DMD: variants seen among roughly 807,000 people sequenced by gnomAD.
DMD encodes the protein mutant dystrophin.
A neutral mutation model predicts 330.1 loss-of-function variants in DMD; 63 were observed. That is an observed-to-expected ratio of 0.19 (90% confidence interval 0.16 to 0.24). The LOEUF (loss-of-function observed/expected upper bound fraction) is 0.24, where lower values mean the gene tolerates loss of function less well. Ranked by LOEUF, DMD falls within the 10% of genes least tolerant of loss-of-function variation. The pLI is 1.00. For synonymous variants in DMD, 1,223 were observed against 959.8 expected, an observed-to-expected ratio of 1.27 and a Z score of -5.07; for missense variants, 3,344 against 2,684.1, an observed-to-expected ratio of 1.25 and a Z score of -5.43.
intron 77 of DMD, among the ~76,000 whole-genome samples, chrX:31,133,030 T>C (rs2034718397): frequency 8.9e-6 from 1 of 112,354 alleles, no homozygotes; most frequent in South Asian, 3.7e-4. Flanking sequence ...TTGCTTTTAA[T>C]GTGCACTGCA....
chrX:33,250,666 A>G (rs1014126673), intron 1 of DMD, among the ~76,000 whole-genome samples: 1 of 111,667 alleles, frequency 9.0e-6, no homozygotes, highest in Non-Finnish European at 1.9e-5. Flanking sequence ...CTTAACTATC[A>G]TATTTATTCA....
chrX:32,033,027 T>C (rs982283792), intron 44 of DMD, among the ~76,000 whole-genome samples: 7 of 112,327 alleles, frequency 6.2e-5, no homozygotes, highest in Non-Finnish European at 1.1e-4. Flanking sequence ...GTGGTATATA[T>C]ACACAATGGA....
At chrX:31,811,921 A>G (rs2092468981) in intron 50 of DMD, among the ~76,000 whole-genome samples, 1 of 111,621 alleles carries the variant, frequency 9.0e-6, no homozygotes, top group Admixed American at 9.6e-5. Flanking sequence ...CAAGAGAGGA[A>G]TAAGAATGCA....
chrX:32,729,487 G>C (rs1040252453), intron 7 of DMD, among the ~76,000 whole-genome samples: 6 of 111,615 alleles, frequency 5.4e-5, no homozygotes, highest in Non-Finnish European at 1.1e-4. Context: ...TTCAAACACT[G>C]ATTCATGGTA....
chrX:33,104,604 C>A (rs1217164464), intron 1 of DMD, among the ~76,000 whole-genome samples: 1 of 110,138 alleles, frequency 9.1e-6, no homozygotes, highest in African/African-American at 3.3e-5. Context: ...TCTCCCTTCG[C>A]TGACTCTCTT....
intron 30 of DMD, among the ~76,000 whole-genome samples, chrX:32,398,752 T>C (rs1305828063): frequency 1.8e-5 from 2 of 111,632 alleles, no homozygotes; most frequent in African/African-American, 3.3e-5. Context: ...TTAAAATTTA[T>C]ATGGAACTGC....
chrX:33,030,718 T>C (rs1218054714), intron 1 of DMD, among the ~76,000 whole-genome samples: 2 of 111,897 alleles, frequency 1.8e-5, no homozygotes, highest in Non-Finnish European at 3.8e-5. Flanking sequence ...GCTAACTAGA[T>C]GCCTGTTTCC....
chrX:31,178,954 G>T (rs1292500398), intron 69 of DMD, 149 bp from the exon 70 acceptor site: 9 of 687,142 alleles, frequency 1.3e-5, no homozygotes, highest in Non-Finnish European at 1.7e-5. Context: ...GACAAATGGG[G>T]CTCTGAAACC....
intron 1 of DMD, among the ~76,000 whole-genome samples, chrX:33,156,737 G>A (rs939227254): frequency 9.0e-6 from 1 of 111,503 alleles, no homozygotes; most frequent in Non-Finnish European, 1.9e-5. Flanking sequence ...ATCGAAATAC[G>A]CTATTATCTG....
At chrX:32,858,068 G>GAT (rs1332932286) in intron 2 of DMD, among the ~76,000 whole-genome samples, 1 of 110,280 alleles carries the variant, frequency 9.1e-6, no homozygotes, top group Admixed American at 9.7e-5. Flanking sequence ...CAGAGTCAAT[G>GAT]ATATATTAAA....
intron 63 of DMD, among the ~76,000 whole-genome samples, chrX:31,242,992 T>C (rs2048500492): frequency 9.0e-6 from 1 of 111,672 alleles, no homozygotes. Flanking sequence ...TATCACATCA[T>C]GAAGTCCGCT....
chrX:32,613,063 C>T (rs747187566), intron 12 of DMD, among the ~76,000 whole-genome samples: 1 of 111,688 alleles, frequency 9.0e-6, no homozygotes, highest in South Asian at 3.7e-4. Flanking sequence ...GCAGATATTC[C>T]TATTCAAAGC....
rs111313894 is a variant in DMD at position 31,996,787 on chromosome X, T to C, written c.6439-28273A>G. Among the ~76,000 whole-genome samples the C allele has an allele frequency of 9.0e-4, 100 of 110,690 alleles. 1 individual carries two copies. Among genetic ancestry groups the C allele is most frequent in the African/African-American group, 3.0e-3 (92 of 30,472 alleles). The stretch of plus-strand genomic sequence containing the variant: ...ATAAAAACCATGTTGAATTAATTAG[T>C]GAGTGAGTGAACAATGAATGTAGAA... On this transcript the variant is annotated intron_variant, in intron 44 of 78. Transcript: ENST00000357033.
intron 2 of DMD, among the ~76,000 whole-genome samples, chrX:32,955,326 G>A (rs768147033): frequency 6.9e-4 from 77 of 111,049 alleles, no homozygotes; most frequent in African/African-American, 2.4e-3. Flanking sequence ...CTTGTTGGCC[G>A]CATGTATGTC....
At chrX:31,647,955 G>A (rs1328163692) in intron 54 of DMD, among the ~76,000 whole-genome samples, 2 of 111,980 alleles carry the variant, frequency 1.8e-5, no homozygotes, top group Non-Finnish European at 3.8e-5. Context: ...GATGACAGAC[G>A]GAATGACCAC....
At chrX:32,452,385 A>C in intron 26 of DMD, among the ~76,000 whole-genome samples, 1 of 16,972 alleles carries the variant, frequency 5.9e-5, no homozygotes, top group Non-Finnish European at 1.2e-4. Flanking sequence ...GGGAAAGGGA[A>C]AGGGAAAGGG....
At chrX:33,293,643 T>C (rs919860724) in intron 1 of DMD, among the ~76,000 whole-genome samples, 1 of 111,323 alleles carries the variant, frequency 9.0e-6, no homozygotes, top group African/African-American at 3.3e-5. Flanking sequence ...TTGTAGGATG[T>C]TCATTTAAGC....
At chrX:31,763,371 G>A (rs1020820772) in intron 51 of DMD, among the ~76,000 whole-genome samples, 3 of 111,752 alleles carry the variant, frequency 2.7e-5, no homozygotes, top group African/African-American at 9.8e-5. Flanking sequence ...AGACCAGCCT[G>A]GCCACCATAG....
At position 33,181,893 on chromosome X, in the gene DMD, C is replaced by T. The variant is rs949337305; in HGVS notation, c.31+29389G>A. On this transcript the variant is annotated intron_variant, in intron 1 of 78. Coordinates refer to ENST00000357033, the MANE Select transcript of DMD (RefSeq NM_004006.3). ...TTGACGGCCAACCCAGTGCTTTCCA[C>T]ACTTTCTCACACATTGCCTGTTATT... is the stretch of plus-strand genomic sequence containing the variant. 4.5e-5 allele frequency among the ~76,000 whole-genome samples: 5 copies of T among 112,188 alleles called. No individual in the cohort carries two copies. The East Asian group carries it at 8.4e-4, about 19-fold the overall frequency.
Sources: gnomAD v4.1 joint callset for allele counts (sites outside exome capture counted in the v4.1 genomes callset) on GRCh38, gnomAD v4.1.1 for gene constraint, MANE v1.5 for transcripts, NCBI Gene and HGNC (gene_info 2026-07-23, HGNC 2026-07-21) for gene names.